Variants in WDR27 observed in about 807,000 individuals in gnomAD.
WDR27 encodes the protein WD repeat domain 27, also known as WD repeat-containing protein 27.
In WDR27, 100 loss-of-function variants were observed where a neutral mutation model predicts 114.4. The observed-to-expected ratio is 0.87, with a 90% CI of 0.74 to 1.03. The LOEUF is 1.03. Ranked by LOEUF, WDR27 falls within the 50% of genes least tolerant of loss-of-function variation. WDR27 has a pLI of 0.00. For synonymous variants in WDR27, 449 were observed against 423.1 expected, an observed-to-expected ratio of 1.06 and a Z score of -0.75; for missense variants, 1,129 against 1,092.9, an observed-to-expected ratio of 1.03 and a Z score of -0.47.
At chr6:169,460,662 C>A (rs1784801300) in intron 25 of WDR27, among the ~76,000 whole-genome samples, 1 of 152,116 alleles carries the variant, frequency 6.6e-6, no homozygotes, top group Admixed American at 6.5e-5. Context: ...GGATTAAAAA[C>A]ACATAATTCA....
chr6:169,687,730 C>T (rs1001697407), intron 2 of WDR27, among the ~76,000 whole-genome samples: 2 of 152,162 alleles, frequency 1.3e-5, no homozygotes, highest in Non-Finnish European at 2.9e-5. Context: ...AATCTGTGTA[C>T]ACCCACATCC....
intron 25 of WDR27, among the ~76,000 whole-genome samples, chr6:169,507,336 C>T (rs1271730965): frequency 6.6e-6 from 1 of 152,160 alleles, no homozygotes; most frequent in Admixed American, 6.5e-5. Flanking sequence ...GGGGAAGGAA[C>T]ATCAATTCAC....
At chr6:169,575,569 T>A (rs1802200974) in intron 24 of WDR27, among the ~76,000 whole-genome samples, 1 of 152,196 alleles carries the variant, frequency 6.6e-6, no homozygotes, top group Non-Finnish European at 1.5e-5. Context: ...TCCTGTCTGG[T>A]GGGAGGGGCT....
intron 4 of WDR27, 116 bp downstream of exon 4, chr6:169,670,453 A>C: frequency 8.4e-7 from 1 of 1,185,322 alleles, no homozygotes; most frequent in Non-Finnish European, 1.2e-6. Context: ...TTGAAGATAT[A>C]GCTTAAAAAA....
chr6:169,538,875 T>C (rs569517623), intron 25 of WDR27, among the ~76,000 whole-genome samples: 1 of 152,326 alleles, frequency 6.6e-6, no homozygotes, highest in African/African-American at 2.4e-5. Context: ...TACAATCCCA[T>C]GAAATACACA....
chr6:169,516,544 A>G (rs990473555), intron 25 of WDR27, among the ~76,000 whole-genome samples: 3 of 152,144 alleles, frequency 2.0e-5, no homozygotes, highest in Non-Finnish European at 2.9e-5. Flanking sequence ...TGAATGTTTT[A>G]GTTGCTGCTT....
chr6:169,488,319 G>A (rs1016686790), intron 25 of WDR27, among the ~76,000 whole-genome samples: 5 of 152,210 alleles, frequency 3.3e-5, no homozygotes, highest in African/African-American at 4.8e-5. Flanking sequence ...TCTCCATGGT[G>A]GAAGAGGCAA....
At chr6:169,625,855 T>C (rs948023385) in intron 21 of WDR27, among the ~76,000 whole-genome samples, 2 of 152,162 alleles carry the variant, frequency 1.3e-5, no homozygotes, top group African/African-American at 2.4e-5. Flanking sequence ...AGATAGAGCA[T>C]GTGTGTCACA....
chr6:169,575,232 C>T (rs1163261107), intron 24 of WDR27, among the ~76,000 whole-genome samples: 1 of 115,024 alleles, frequency 8.7e-6, no homozygotes, highest in East Asian at 2.7e-4. Flanking sequence ...CCATCTCTCT[C>T]CCTCTCTATC....
At chr6:169,689,981 G>A (rs928430871) in intron 1 of WDR27, among the ~76,000 whole-genome samples, 1 of 151,936 alleles carries the variant, frequency 6.6e-6, no homozygotes, top group Admixed American at 6.6e-5. Flanking sequence ...TGGATTCACA[G>A]GATCCACCCG....
intron 23 of WDR27, among the ~76,000 whole-genome samples, chr6:169,598,268 A>T (rs1250661219): frequency 6.6e-6 from 1 of 152,218 alleles, no homozygotes; most frequent in Non-Finnish European, 1.5e-5. Context: ...TGATGCTATA[A>T]CACAATACCT....
intron 1 of WDR27, among the ~76,000 whole-genome samples, chr6:169,700,580 AG>A (rs1411242544): frequency 6.6e-6 from 1 of 152,208 alleles, no homozygotes; most frequent in Non-Finnish European, 1.5e-5. Context: ...AGAGGGCCTA[AG>A]GAAAAAAACC....
the WDR27 span, among the ~76,000 whole-genome samples, chr6:169,435,123 C>A: frequency 2.6e-5 from 4 of 152,250 alleles, no homozygotes; most frequent in Admixed American, 2.0e-4. Context: ...CAAGCCTTGG[C>A]AGTTTCCACA....
At chr6:169,647,222 T>C (rs1584876328) in intron 16 of WDR27, among the ~76,000 whole-genome samples, 2 of 152,276 alleles carry the variant, frequency 1.3e-5, no homozygotes, top group East Asian at 3.9e-4. Flanking sequence ...GTGAAGGCAT[T>C]ATCAGGACAC....
intron 25 of WDR27, among the ~76,000 whole-genome samples, chr6:169,530,639 G>A (rs1795473347): frequency 6.6e-6 from 1 of 152,172 alleles, no homozygotes; most frequent in South Asian, 2.1e-4. Flanking sequence ...GCAACGCATG[G>A]AGGTGGCCGA....
intron 21 of WDR27, among the ~76,000 whole-genome samples, chr6:169,614,243 T>C (rs142508855): frequency 6.6e-6 from 1 of 152,230 alleles, no homozygotes; most frequent in Non-Finnish European, 1.5e-5. Context: ...ACCTAAACAT[T>C]TGTGATAAAT....
chr6:169,549,932 C>T (rs1039514134), intron 25 of WDR27, among the ~76,000 whole-genome samples: 20 of 152,140 alleles, frequency 1.3e-4, no homozygotes, highest in African/African-American at 4.8e-4. Context: ...AGAGAACATA[C>T]ACTATGATGC....
chr6:169,444,668 T>C, the WDR27 span, among the ~76,000 whole-genome samples: 1,870 of 149,248 alleles, frequency 0.013, 46 homozygotes, highest in African/African-American at 0.045. Context: ...ACTGTTTTTT[T>C]GTTTTTTTTT....
At chr6:169,475,078 T>C (rs1463385999) in intron 25 of WDR27, among the ~76,000 whole-genome samples, 2 of 152,266 alleles carry the variant, frequency 1.3e-5, no homozygotes, top group African/African-American at 4.8e-5. Flanking sequence ...CCATTAACTT[T>C]GTCATGGTGT....
Sources: allele counts gnomAD v4.1 joint callset (sites outside exome capture counted in the v4.1 genomes callset), GRCh38; gene constraint gnomAD v4.1.1; transcripts MANE v1.5; gene names NCBI Gene and HGNC (gene_info 2026-07-23, HGNC 2026-07-21).